USP6: variants seen among roughly 807,000 people sequenced by gnomAD.
USP6 encodes the protein ubiquitin specific peptidase 6.
Under a neutral mutation model 175.7 loss-of-function variants are expected in USP6, and 128 were observed. That is an observed-to-expected ratio of 0.73 (90% CI 0.63 to 0.84). USP6 has a LOEUF of 0.84. Among genes scored for constraint, USP6 ranks in the 40% least tolerant of loss-of-function variants. The pLI, the probability that USP6 is intolerant of heterozygous loss-of-function variation, is 0.00. For missense variants in USP6, 1,498 were observed against 1,760.3 expected (o/e 0.85, Z 2.67); for synonymous variants, 562 against 630.6 (o/e 0.89, Z 1.63).
chr17:5,155,323 G>A, intron 30 of USP6, 99 bp from the exon 31 acceptor site: 1 of 1,354,394 alleles, frequency 7.4e-7, no homozygotes. Context: ...TGACTAATTT[G>A]AAATGGTGAT....
rs553042842 is a variant in USP6, at chr17:5,138,032, C to T, written c.926-89C>T. 14 of 1,603,280 alleles carry T rather than the reference C, an allele frequency of 8.7e-6. 1 individual carries two copies. Among genetic ancestry groups the T allele is most frequent in the Admixed American group, 3.4e-5 (2 of 59,198 alleles). ...GGGTGGCCACAAAAGGATTCGGCAC[C>T]GCCCAGTGGGAGACTGAAGTGGCCA... On this transcript the variant is annotated intron_variant, in intron 20 of 37. Coordinates refer to ENST00000574788, the MANE Select transcript of USP6 (RefSeq NM_001304284.2).
rs777145242 is a variant in USP6 at position 5,132,278 on chromosome 17, C to T, written c.156-118C>T. 2.5e-6 allele frequency: 4 copies of T among 1,608,564 alleles called. No homozygotes were observed. The South Asian group carries it at 4.4e-5, about 18-fold the overall frequency. ...TGTCCTCCCTTCCCTGTGCCTTCTCCCGGGCTGAGCCCTGAGCTGGATAGG... is the reference window on the plus strand; with the variant it reads ...TGTCCTCCCTTCCCTGTGCCTTCTCTCGGGCTGAGCCCTGAGCTGGATAGG... On this transcript the variant is annotated intron_variant, in intron 11 of 37. Coordinates refer to ENST00000574788, the MANE Select transcript of USP6 (RefSeq NM_001304284.2). This position sits in a 1 kb window ranked among gnomAD's most constrained non-coding sequence, Gnocchi z 4.7.
chr17:5,162,663 A>G (rs1020643574), intron 32 of USP6, among the ~76,000 whole-genome samples: 16 of 152,198 alleles, frequency 1.1e-4, no homozygotes, highest in African/African-American at 3.9e-4. Context: ...AGTACTTTGT[A>G]AAAATAAAGA....
rs1286750765 is a variant in USP6, at chr17:5,151,458, TGTG to T, written c.2643+2692_2643+2694del. 4.9e-4 allele frequency among the ~76,000 whole-genome samples: 72 copies of T among 147,608 alleles called. 1 individual carries two copies. Among genetic ancestry groups the T allele is most frequent in the Middle Eastern group, 6.9e-3 (2 of 288 alleles). The stretch of plus-strand genomic sequence containing the variant: ...GTGTGTGTGTGTGTGTGTGTGTGTG[TGTG>T]TGTGGTGTGTGTGAGTTGATAAGCT... On this transcript the variant is annotated intron_variant, in intron 30 of 37. Transcript: ENST00000574788.
At chr17:5,133,412 C>A in intron 13 of USP6, 31 bp from the exon 14 acceptor site, 1 of 1,585,472 alleles carries the variant, frequency 6.3e-7, no homozygotes, top group Non-Finnish European at 8.7e-7. Context: ...CACCCCATGG[C>A]CTGTGACACC....
Position 5,173,962 on chromosome 17 carries a change from C to G in USP6, c.*984C>G, listed in dbSNP as rs1448262544. Reference sequence around the variant, plus strand: ...GAGAGAACACATGCAAATGAACTTGCTTGTGTGTATTTGATGGCTCTAAGG... The same window carrying G: ...GAGAGAACACATGCAAATGAACTTGGTTGTGTGTATTTGATGGCTCTAAGG... On this transcript the variant is annotated 3_prime_UTR_variant, in exon 38 of 38. Transcript: ENST00000574788. 1.8e-5 allele frequency: 4 copies of G among 217,714 alleles called. No individual in the cohort carries two copies. The highest frequency in any genetic ancestry group is 3.7e-5 in the Non-Finnish European group (4 of 107,982). The allele number at this position is 217,714 out of a possible 1,614,324, so 13.5% of individuals were successfully genotyped here. A position where few individuals can be genotyped will look rare whatever the true frequency, so the allele number is the denominator to read the frequency against.
At chr17:5,156,969 A>T (rs954710885) in intron 31 of USP6, among the ~76,000 whole-genome samples, 10 of 152,006 alleles carry the variant, frequency 6.6e-5, no homozygotes, top group Admixed American at 2.6e-4. Context: ...GCCTCAAGTG[A>T]TCCATCTACC....
chr17:5,148,935 C>G, intron 30 of USP6, among the ~76,000 whole-genome samples, 168 bp downstream of exon 30: 1 of 151,738 alleles, frequency 6.6e-6, no homozygotes, highest in South Asian at 2.1e-4. Flanking sequence ...CTATCCTGTC[C>G]TCAAAACCTG....
At chr17:5,120,547 T>C in intron 2 of USP6, 80 bp from the exon 3 acceptor site, 1 of 352,100 alleles carries the variant, frequency 2.8e-6, no homozygotes, top group East Asian at 7.6e-5. Flanking sequence ...TGCACCTGTC[T>C]CTCCGAGGGA....
At chr17:5,118,838 C>T (rs527662615) in intron 2 of USP6, among the ~76,000 whole-genome samples, 2 of 152,328 alleles carry the variant, frequency 1.3e-5, no homozygotes, top group Admixed American at 6.5e-5. Context: ...GGCCATCTCT[C>T]TCATCTACTG....
intron 2 of USP6, among the ~76,000 whole-genome samples, chr17:5,119,032 GGGGTTTCAC>G (rs1177007860): frequency 6.6e-6 from 1 of 152,172 alleles, no homozygotes; most frequent in African/African-American, 2.4e-5. Context: ...GCTCAAAGAT[GGGGTTTCAC>G]TGGGGGCCTG....
Position 5,142,520 on chromosome 17 carries a change from A to C in USP6, c.1818+18A>C. 1 of 1,590,508 alleles carries C rather than the reference A, an allele frequency of 6.3e-7. No homozygotes were observed. The highest frequency in any genetic ancestry group is 8.6e-7 in the Non-Finnish European group (1 of 1,167,786). On this transcript the variant is annotated intron_variant, in intron 25 of 37. Coordinates refer to ENST00000574788, the MANE Select transcript of USP6 (RefSeq NM_001304284.2). ...AGCTTCGGGTAAGCAGGTTAAAATA[A>C]TATAAAAGTATTTAATTCCTAAATA...
In USP6 at chr17:5,116,119, A is replaced by G. The variant is rs2072529993; in HGVS notation, c.-2549A>G. On this transcript the variant is annotated 5_prime_UTR_variant, in exon 1 of 38. Coordinates refer to ENST00000574788, the MANE Select transcript of USP6 (RefSeq NM_001304284.2). ...TGTGGGAGCTCGTCTCCAGGCGCCC[A>G]TCAGTCTTCCCCTCACTCGACGCTA... is the stretch of plus-strand genomic sequence containing the variant. 6.6e-6 allele frequency among the ~76,000 whole-genome samples: 1 copy of G among 152,272 alleles called. No individual in the cohort carries two copies. Among genetic ancestry groups the G allele is most frequent in the Admixed American group, 6.5e-5 (1 of 15,298 alleles).
chr17:5,138,998 T>C lies in USP6; in HGVS notation c.1079-257T>C, dbSNP rs538347093. 1.1e-4 allele frequency: 166 copies of C among 1,524,916 alleles called. 2 individuals carry two copies. The South Asian group carries it at 1.8e-3, about 17-fold the overall frequency. The allele number at this position is 1,524,916 out of a possible 1,614,324, so 94.5% of individuals were successfully genotyped here. On this transcript the variant is annotated intron_variant, in intron 21 of 37. Transcript: ENST00000574788. The stretch of plus-strand genomic sequence containing the variant: ...CCAACAGCCCTGGGACGAAGGTGTG[T>C]GGCAGGAAGCCCCCAGCCAGTCTGA...
chr17:5,168,369 A>T (rs1002298673), intron 34 of USP6, among the ~76,000 whole-genome samples: 1 of 152,246 alleles, frequency 6.6e-6, no homozygotes, highest in African/African-American at 2.4e-5. Context: ...AGTAACTGCA[A>T]TTCAGTGCGA....
chr17:5,162,745 T>A (rs2074028009), intron 32 of USP6, 139 bp from the exon 33 acceptor site: 4 of 1,209,774 alleles, frequency 3.3e-6, no homozygotes, highest in Non-Finnish European at 4.5e-6. Context: ...TTTATCAGAG[T>A]CTGAAGTTAG....
intron 26 of USP6, among the ~76,000 whole-genome samples, chr17:5,145,132 C>T (rs1343295728): frequency 6.6e-6 from 1 of 151,982 alleles, no homozygotes; most frequent in African/African-American, 2.4e-5. Context: ...TTAAAGAGTC[C>T]CCGTAATTGC....
At chr17:5,135,662 C>G (rs2073229460) in intron 16 of USP6, 146 bp from the exon 17 acceptor site, 1 of 1,570,406 alleles carries the variant, frequency 6.4e-7, no homozygotes, top group Non-Finnish European at 8.6e-7. Context: ...TTGCTCTTGT[C>G]ATGAAATGAA....
rs1306270451 is a variant in USP6 at position 5,170,588 on chromosome 17, G to T, written c.3627G>T (p.Leu1209=). 6.2e-7 allele frequency: 1 copy of T among 1,612,486 alleles called. No homozygotes were observed. The highest frequency in any genetic ancestry group is 8.5e-7 in the Non-Finnish European group (1 of 1,179,858). ...GGAGGAGCAAAGGGAGGCTCCGGCTGCCCCAGATTGGCAGCAAAAATAAGC... is the reference window on the plus strand; with the variant it reads ...GGAGGAGCAAAGGGAGGCTCCGGCTTCCCCAGATTGGCAGCAAAAATAAGC... ...TLGRSKGRLR[L]PQIGSKNKPS... is the part of the protein sequence containing the mutation. The change falls in exon 36 of 38, where the codon CTG becomes CTT. Residue 1209 remains leucine (L), a synonymous_variant. Transcript: ENST00000574788.
Sources: allele counts gnomAD v4.1 joint callset (sites outside exome capture counted in the v4.1 genomes callset), GRCh38; gene constraint gnomAD v4.1.1; non-coding constraint Gnocchi (gnomAD v3.1); transcripts MANE v1.5; gene names NCBI Gene and HGNC (gene_info 2026-07-23, HGNC 2026-07-21).